GRIK1: variants seen among roughly 807,000 people sequenced by gnomAD.
GRIK1 encodes the protein glutamate ionotropic receptor kainate type subunit 1, also known as glutamate receptor ionotropic, kainate 1.
In GRIK1, 69 loss-of-function variants were observed where a neutral mutation model predicts 105.7. That is an observed-to-expected ratio of 0.65 (90% CI 0.54 to 0.80). The LOEUF (loss-of-function observed/expected upper bound fraction) is 0.80. Among genes scored for constraint, GRIK1 ranks in the 30% least tolerant of loss-of-function variants. The pLI is 0.00. For missense variants in GRIK1, 1,109 were observed against 1,167.3 expected (o/e 0.95, Z 0.73); for synonymous variants, 438 against 431.3 (o/e 1.02, Z -0.19).
chr21:29,889,773 G>C (rs998548329), intron 1 of GRIK1, among the ~76,000 whole-genome samples: 19 of 152,096 alleles, frequency 1.2e-4, no homozygotes, highest in Admixed American at 9.2e-4. Flanking sequence ...AAATAAGTGA[G>C]TTAAAGACTA....
intron 1 of GRIK1, among the ~76,000 whole-genome samples, chr21:29,789,892 C>T (rs2066364288): frequency 1.3e-5 from 2 of 152,042 alleles, no homozygotes; most frequent in Admixed American, 1.3e-4. Flanking sequence ...TTGTAAAATG[C>T]CTATAAAGTT....
intron 7 of GRIK1, among the ~76,000 whole-genome samples, chr21:29,610,101 G>A (rs990908748): frequency 6.6e-6 from 1 of 152,142 alleles, no homozygotes; most frequent in African/African-American, 2.4e-5. Context: ...TAAACTTACA[G>A]GTAAAAAGGA....
In GRIK1 at chr21:29,851,298, G is replaced by A. The variant is rs546726907; in HGVS notation, c.118+88085C>T. Among the ~76,000 whole-genome samples the A allele has an allele frequency of 3.9e-5, 6 of 152,084 alleles. No individual in the cohort carries two copies. The South Asian group carries it at 1.0e-3, about 26-fold the overall frequency. On this transcript the variant is annotated intron_variant, in intron 1 of 17. Coordinates refer to ENST00000327783, the MANE Select transcript of GRIK1 (RefSeq NM_001330994.2). ...TCGAACTCCTGACCTCAAGTGATCC[G>A]CCCACCTCGGCCTCCCAAAGTGCTG...
At chr21:29,556,160 C>T (rs2090250312) in intron 15 of GRIK1, among the ~76,000 whole-genome samples, 1 of 152,162 alleles carries the variant, frequency 6.6e-6, no homozygotes, top group South Asian at 2.1e-4. Flanking sequence ...AATGTTAAGT[C>T]TCTACCCCGA....
intron 1 of GRIK1, among the ~76,000 whole-genome samples, chr21:29,914,627 C>A (rs977212187): frequency 6.6e-6 from 1 of 152,124 alleles, no homozygotes; most frequent in Non-Finnish European, 1.5e-5. Context: ...CATTGCATTT[C>A]TCTTCCCCCA....
At chr21:29,935,331 G>A (rs749810893) in intron 1 of GRIK1, among the ~76,000 whole-genome samples, 1 of 152,156 alleles carries the variant, frequency 6.6e-6, no homozygotes, top group Non-Finnish European at 1.5e-5. Context: ...ACCTCAAGGG[G>A]CAGATGCTGT....
chr21:29,911,790 C>T (rs1307697845), intron 1 of GRIK1, among the ~76,000 whole-genome samples: 1 of 152,002 alleles, frequency 6.6e-6, no homozygotes, highest in Non-Finnish European at 1.5e-5. Flanking sequence ...GTGGGCTCTT[C>T]CCAGACACCA....
intron 1 of GRIK1, among the ~76,000 whole-genome samples, chr21:29,778,644 C>A (rs2066008730): frequency 6.6e-6 from 1 of 152,198 alleles, no homozygotes; most frequent in African/African-American, 2.4e-5. Flanking sequence ...TCTACACATG[C>A]CCTATCAAGA....
At chr21:29,644,067 G>A (rs2062569101) in intron 6 of GRIK1, among the ~76,000 whole-genome samples, 1 of 151,924 alleles carries the variant, frequency 6.6e-6, no homozygotes. Flanking sequence ...TAGAATCTAG[G>A]TCATAGAATG....
Position 29,939,591 on chromosome 21 carries a change from C to T in GRIK1, c.-91G>A. 1 of 737,436 alleles carries T rather than the reference C, an allele frequency of 1.4e-6. No individual in the cohort carries two copies. The highest frequency in any genetic ancestry group is 2.2e-6 in the Non-Finnish European group (1 of 457,198). 45.7% of individuals were successfully genotyped at this position (737,436 alleles called of 1,614,324 possible). On this transcript the variant is annotated 5_prime_UTR_variant, in exon 1 of 18. Transcript: ENST00000327783. ...TTGGGCCGGGTCCCCGCCTCATCCT[C>T]TCTGGATGCTCCGGTTCCAAGCACG... is the stretch of plus-strand genomic sequence containing the variant.
At chr21:29,741,037 C>T (rs953299623) in intron 1 of GRIK1, among the ~76,000 whole-genome samples, 11 of 152,332 alleles carry the variant, frequency 7.2e-5, no homozygotes, top group East Asian at 5.8e-4. Context: ...ACTACCAGGG[C>T]GATGTGTACT....
At chr21:29,876,112 A>ATGTGTG (rs1555903193) in intron 1 of GRIK1, among the ~76,000 whole-genome samples, 4,532 of 149,040 alleles carry the variant, frequency 0.03, 110 homozygotes, top group African/African-American at 0.05. Context: ...GGAGATAGAT[A>ATGTGTG]TGTGTGTGTG....
chr21:29,659,033 G>C (rs995495722), intron 4 of GRIK1, among the ~76,000 whole-genome samples: 9 of 152,096 alleles, frequency 5.9e-5, no homozygotes, highest in African/African-American at 2.2e-4. Context: ...AAAATTACGG[G>C]TCTTCCATTG....
chr21:29,645,443 C>T (rs1214713860), intron 6 of GRIK1, among the ~76,000 whole-genome samples: 1 of 152,176 alleles, frequency 6.6e-6, no homozygotes, highest in African/African-American at 2.4e-5. Context: ...AATAATCTGA[C>T]TTTTCCATAA....
chr21:29,700,571 A>G (rs1377185448), intron 1 of GRIK1, among the ~76,000 whole-genome samples: 1 of 152,182 alleles, frequency 6.6e-6, no homozygotes, highest in Admixed American at 6.5e-5. Flanking sequence ...TATGAAAAAA[A>G]CCATGCCTGG....
intron 16 of GRIK1, among the ~76,000 whole-genome samples, chr21:29,552,062 C>T (rs1310958039): frequency 3.3e-5 from 5 of 152,100 alleles, no homozygotes; most frequent in African/African-American, 1.2e-4. Context: ...TAAGAATCAA[C>T]TAGTCAACTT....
chr21:29,717,834 A>T (rs191563014), intron 1 of GRIK1, among the ~76,000 whole-genome samples: 1 of 152,240 alleles, frequency 6.6e-6, no homozygotes, highest in African/African-American at 2.4e-5. Context: ...GGGAGGGGCA[A>T]AGGGCTGAAT....
chr21:29,589,124 T>C, intron 10 of GRIK1, 82 bp from the exon 11 acceptor site: 1 of 765,044 alleles, frequency 1.3e-6, no homozygotes, highest in Non-Finnish European at 2.2e-6. Context: ...AGATGTGAAA[T>C]GTTTGATAAT....
At chr21:29,678,753 T>G (rs2063319936) in intron 3 of GRIK1, among the ~76,000 whole-genome samples, 1 of 152,140 alleles carries the variant, frequency 6.6e-6, no homozygotes, top group African/African-American at 2.4e-5. Context: ...CAGAAGAGTT[T>G]TAGCTATCAC....
Sources: allele counts gnomAD v4.1 joint callset (sites outside exome capture counted in the v4.1 genomes callset), GRCh38; gene constraint gnomAD v4.1.1; transcripts MANE v1.5; gene names NCBI Gene and HGNC (gene_info 2026-07-23, HGNC 2026-07-21).